Variants in STXBP5L observed in about 807,000 individuals in gnomAD.
STXBP5L encodes the protein syntaxin-binding protein 5-like.
In STXBP5L, 65 loss-of-function variants were observed where a neutral mutation model predicts 144.5. That is an observed-to-expected ratio of 0.45 (90% CI 0.37 to 0.55). The LOEUF is 0.55. STXBP5L is among the 20% of genes least tolerant of loss of function. The probability of loss-of-function intolerance (pLI) is 0.00; values close to 1 mark genes in which losing one functional copy is unlikely to be tolerated. For synonymous variants in STXBP5L, 505 were observed against 469.6 expected (o/e 1.08, Z -0.97); for missense variants, 1,298 against 1,405.5 (o/e 0.92, Z 1.22).
chr3:121,349,646 T>C (rs2045182348), intron 20 of STXBP5L, among the ~76,000 whole-genome samples: 1 of 152,126 alleles, frequency 6.6e-6, no homozygotes, highest in Non-Finnish European at 1.5e-5. Context: ...TACCCCTGTA[T>C]TGGGGGCATA....
At position 120,962,060 on chromosome 3, in the gene STXBP5L, C is replaced by T. The variant is rs369703014; in HGVS notation, c.287+7023C>T. Among the ~76,000 whole-genome samples the T allele has an allele frequency of 2.8e-3, 425 of 152,256 alleles. 2 individuals are homozygous for T. The highest frequency in any genetic ancestry group is 2.5e-3 in the African/African-American group (102 of 41,538). ...CATTTTTTCATGTGTCTTTTGGCTG[C>T]GTAAATGTCTTCTTTTGAGAAGTGT... On this transcript the variant is annotated intron_variant, in intron 3 of 26. Transcript: ENST00000471454.
chr3:121,223,827 G>A (rs191559754), intron 11 of STXBP5L, among the ~76,000 whole-genome samples: 2 of 152,184 alleles, frequency 1.3e-5, no homozygotes, highest in African/African-American at 4.8e-5. Flanking sequence ...CAGGTGTGGT[G>A]ACTCATGCCT....
At chr3:120,979,702 G>A (rs535350614) in intron 3 of STXBP5L, among the ~76,000 whole-genome samples, 4 of 152,220 alleles carry the variant, frequency 2.6e-5, no homozygotes, top group South Asian at 2.1e-4. Context: ...TGCCAGCTCC[G>A]ATCCTTTGTA....
intron 3 of STXBP5L, among the ~76,000 whole-genome samples, chr3:120,985,669 A>G (rs1034677382): frequency 6.6e-5 from 10 of 151,892 alleles, no homozygotes; most frequent in Non-Finnish European, 1.0e-4. Context: ...GTTTCTAGGA[A>G]TTTGTCCATT....
chr3:121,313,212 G>A (rs1473391872), intron 19 of STXBP5L, among the ~76,000 whole-genome samples: 5 of 142,144 alleles, frequency 3.5e-5, no homozygotes, highest in Non-Finnish European at 7.6e-5. Context: ...GGCCGGAAGG[G>A]GGGCTGACCC....
chr3:121,406,637 AC>A (rs2108741563), intron 22 of STXBP5L, among the ~76,000 whole-genome samples: 1 of 152,170 alleles, frequency 6.6e-6, no homozygotes, highest in South Asian at 2.1e-4. Flanking sequence ...GCAAAAGCCT[AC>A]CTAAGAGCTG....
chr3:121,072,738 G>A (rs2041858427), intron 5 of STXBP5L, among the ~76,000 whole-genome samples: 1 of 152,200 alleles, frequency 6.6e-6, no homozygotes. Flanking sequence ...CTCTAGCCTT[G>A]TCACCTCCTC....
chr3:121,044,423 A>G (rs1023407878), intron 4 of STXBP5L, among the ~76,000 whole-genome samples: 7 of 152,156 alleles, frequency 4.6e-5, no homozygotes, highest in African/African-American at 1.4e-4. Context: ...AGCAATTTCA[A>G]TATCGTTCTT....
intron 5 of STXBP5L, among the ~76,000 whole-genome samples, chr3:121,112,481 G>T (rs768607095): frequency 2.2e-4 from 34 of 152,060 alleles, no homozygotes; most frequent in South Asian, 8.3e-4. Context: ...TGCCTATTCA[G>T]TCCCAATGAG....
chr3:121,036,108 A>C (rs1054326253), intron 3 of STXBP5L, among the ~76,000 whole-genome samples: 7 of 152,074 alleles, frequency 4.6e-5, no homozygotes, highest in Admixed American at 3.3e-4. Flanking sequence ...TGAGGTGGGC[A>C]GATCACTTGA....
At chr3:121,060,580 C>G (rs1051313330) in intron 5 of STXBP5L, among the ~76,000 whole-genome samples, 7 of 152,170 alleles carry the variant, frequency 4.6e-5, no homozygotes, top group African/African-American at 1.7e-4. Flanking sequence ...TGGTAGAATT[C>G]AGCTGTGAAT....
At chr3:121,064,113 G>T (rs1409442359) in intron 5 of STXBP5L, among the ~76,000 whole-genome samples, 1 of 152,210 alleles carries the variant, frequency 6.6e-6, no homozygotes, top group African/African-American at 2.4e-5. Context: ...TAGGGCCCTG[G>T]TGGTGTAGGC....
chr3:121,037,738 AT>A (rs1946860353), intron 3 of STXBP5L, among the ~76,000 whole-genome samples: 2 of 152,032 alleles, frequency 1.3e-5, no homozygotes, highest in East Asian at 1.9e-4. Flanking sequence ...AATTGGCATT[AT>A]TTTTTCCTCT....
At chr3:121,131,492 A>G (rs1208991481) in intron 7 of STXBP5L, among the ~76,000 whole-genome samples, 1 of 152,224 alleles carries the variant, frequency 6.6e-6, no homozygotes, top group African/African-American at 2.4e-5. Context: ...TTGCCAAGCT[A>G]TGGCCAGTGG....
chr3:121,334,898 G>A (rs1054535367), intron 20 of STXBP5L, among the ~76,000 whole-genome samples: 38 of 152,166 alleles, frequency 2.5e-4, no homozygotes, highest in African/African-American at 8.2e-4. Context: ...TTGAAAACTG[G>A]CACAAGTATG....
intron 7 of STXBP5L, among the ~76,000 whole-genome samples, chr3:121,133,938 A>G (rs2045119992): frequency 6.6e-6 from 1 of 152,140 alleles, no homozygotes; most frequent in Admixed American, 6.5e-5. Context: ...GGATTACATG[A>G]TCCAGTCACC....
chr3:121,145,397 A>G (rs1468787692), intron 7 of STXBP5L, among the ~76,000 whole-genome samples: 2 of 151,940 alleles, frequency 1.3e-5, no homozygotes, highest in African/African-American at 4.8e-5. Context: ...AATAAAATTT[A>G]GCACCCATTG....
rs2049577373 is a variant in STXBP5L, at chr3:121,239,036, A to G, written c.1250A>G (p.Tyr417Cys). 1 of 1,610,102 alleles carries G rather than the reference A, an allele frequency of 6.2e-7. No individual in the cohort carries two copies. Among genetic ancestry groups the G allele is most frequent in the Admixed American group, 1.7e-5 (1 of 59,434 alleles). The stretch of plus-strand genomic sequence containing the variant: ...GAATCACCAGTTACATGCACAGCAT[A>G]CTTTGCAGATTGTCCTCCGGATTTG... The part of the protein sequence containing the change: ...IHESPVTCTA[Y>C]FADCPPDLIL... The change falls in exon 13 of 27, where the codon TAC (tyrosine) becomes TGC (cysteine). Residue 417 changes from tyrosine (Y) to cysteine (C), a missense_variant. Tyr to Cys is a radical substitution (Grantham distance 194). Coordinates refer to ENST00000471454, the MANE Select transcript of STXBP5L (RefSeq NM_001308330.2).
At position 120,978,007 on chromosome 3, in the gene STXBP5L, A is replaced by C. The variant is rs370558517; in HGVS notation, c.287+22970A>C. ...TTCCTTCATTTCAACTTTGGTGAAT[A>C]TGACAATTATGTGTCTTGGAGTTGC... On this transcript the variant is annotated intron_variant, in intron 3 of 26. Transcript: ENST00000471454. Among the ~76,000 whole-genome samples, 26 of 152,194 alleles carry C rather than the reference A, an allele frequency of 1.7e-4. 1 individual carries two copies. Among genetic ancestry groups the C allele is most frequent in the South Asian group, 6.2e-4 (3 of 4,804 alleles).
Sources: gnomAD v4.1 joint callset for allele counts (sites outside exome capture counted in the v4.1 genomes callset) on GRCh38, gnomAD v4.1.1 for gene constraint, MANE v1.5 for transcripts, NCBI Gene and HGNC (gene_info 2026-07-23, HGNC 2026-07-21) for gene names.